The following MAST2 variants were observed in gnomAD, a reference collection of about 807,000 sequenced individuals.
MAST2 encodes microtubule-associated serine/threonine-protein kinase 2.
In MAST2, 70 loss-of-function variants were observed where a neutral mutation model predicts 147.4. The ratio of observed to expected loss-of-function variants is 0.47; its 90% confidence interval spans 0.39 to 0.58. MAST2 has a LOEUF of 0.58. Ranked by LOEUF, MAST2 falls within the 20% of genes least tolerant of loss-of-function variation. The probability of loss-of-function intolerance (pLI) is 0.00; values close to 1 mark genes in which losing one functional copy is unlikely to be tolerated. For synonymous variants in MAST2, 869 were observed against 896.8 expected, an observed-to-expected ratio of 0.97 and a Z score of 0.55; for missense variants, 2,080 against 2,302.3, an observed-to-expected ratio of 0.90 and a Z score of 1.98.
chr1:46,021,416 T>A (rs1571240532), intron 11 of MAST2, among the ~76,000 whole-genome samples: 1 of 152,242 alleles, frequency 6.6e-6, no homozygotes, highest in Non-Finnish European at 1.5e-5. Context: ...AAAGAGTTGC[T>A]AGAGGGTTTA....
intron 3 of MAST2, among the ~76,000 whole-genome samples, chr1:45,837,955 T>A (rs1277229051): frequency 2.6e-5 from 4 of 152,060 alleles, no homozygotes; most frequent in African/African-American, 9.7e-5. Context: ...ATTTTCGTAT[T>A]TTTAGTAGAG....
intron 4 of MAST2, among the ~76,000 whole-genome samples, chr1:45,931,560 G>T (rs947666661): frequency 6.6e-6 from 1 of 151,556 alleles, no homozygotes; most frequent in Non-Finnish European, 1.5e-5. Flanking sequence ...CATGATCTGG[G>T]CTCACTGCAA....
At chr1:45,976,243 C>T (rs563568974) in intron 5 of MAST2, among the ~76,000 whole-genome samples, 2 of 152,250 alleles carry the variant, frequency 1.3e-5, no homozygotes, top group African/African-American at 4.8e-5. Flanking sequence ...TCCCAAATTG[C>T]TGGGATTACA....
At chr1:45,994,308 G>GTTT (rs1644968414) in intron 5 of MAST2, among the ~76,000 whole-genome samples, 4 of 56,732 alleles carry the variant, frequency 7.1e-5, no homozygotes, top group Admixed American at 2.4e-4. Flanking sequence ...TTGAGAAGGA[G>GTTT]TTTCACTCTG....
Position 45,948,706 on chromosome 1 carries a change from CAAAAAAAAAAAAAAA to C in MAST2, c.501-10667_501-10653del, listed in dbSNP as rs34012353. ...TGGGCGACAGAGTGAGACTCCATCT[CAAAAAAAAAAAAAAA>C]AAAAAAAAAAAAGTCATATGGAACA... On this transcript the variant is annotated intron_variant, in intron 4 of 28. Transcript: ENST00000361297. Among the ~76,000 whole-genome samples the C allele has an allele frequency of 4.1e-3, 164 of 40,276 alleles. 2 individuals carry two copies. The highest frequency in any genetic ancestry group is 0.018 in the African/African-American group (156 of 8,858). The allele number at this position is 40,276 out of a possible 152,430, so 26.4% of individuals were successfully genotyped here.
intron 1 of MAST2, among the ~76,000 whole-genome samples, chr1:45,809,943 T>C (rs577034665): frequency 1.4e-4 from 22 of 152,388 alleles, no homozygotes; most frequent in African/African-American, 5.0e-4. Flanking sequence ...ATAAAGTAGA[T>C]GCTGAATAAA....
At chr1:45,992,028 C>T (rs1021200575) in intron 5 of MAST2, among the ~76,000 whole-genome samples, 4 of 152,120 alleles carry the variant, frequency 2.6e-5, no homozygotes, top group Non-Finnish European at 5.9e-5. Context: ...TGCACCCAGT[C>T]GTCTTTTCTT....
intron 1 of MAST2, among the ~76,000 whole-genome samples, chr1:45,820,361 C>A (rs1380343644): frequency 2.0e-5 from 3 of 152,130 alleles, no homozygotes; most frequent in Admixed American, 2.0e-4. Context: ...TCAAGGGGAT[C>A]TTTTCTCACT....
intron 4 of MAST2, among the ~76,000 whole-genome samples, chr1:45,953,829 TAGG>T (rs1433320130): frequency 1.3e-5 from 2 of 152,134 alleles, no homozygotes; most frequent in East Asian, 3.9e-4. Flanking sequence ...AGAGACTAGT[TAGG>T]AGGGTATTGA....
chr1:45,866,872 C>T (rs1414370479), intron 3 of MAST2, among the ~76,000 whole-genome samples: 1 of 151,820 alleles, frequency 6.6e-6, no homozygotes. Flanking sequence ...CCTCCGGAGT[C>T]GAGTAGCTGG....
Position 45,876,511 on chromosome 1 carries a change from A to G in MAST2, c.469-5853A>G, listed in dbSNP as rs532887354. On this transcript the variant is annotated intron_variant, in intron 3 of 28. Coordinates refer to ENST00000361297, the MANE Select transcript of MAST2 (RefSeq NM_015112.3). ...TGGGCTTCACCTGATATTGTAATGT[A>G]TTACCAGGTATTACCAGCCTAGTTG... 6.6e-5 allele frequency among the ~76,000 whole-genome samples: 10 copies of G among 152,332 alleles called. No individual in the cohort carries two copies. The South Asian group carries it at 2.1e-3, about 32-fold the overall frequency.
intron 5 of MAST2, among the ~76,000 whole-genome samples, chr1:45,960,891 G>A (rs1660321886): frequency 6.6e-6 from 1 of 152,212 alleles, no homozygotes; most frequent in Non-Finnish European, 1.5e-5. Flanking sequence ...GCATCAAGCT[G>A]AGTAAGATGT....
chr1:45,976,992 A>T (rs1416221936), intron 5 of MAST2, among the ~76,000 whole-genome samples: 2 of 152,242 alleles, frequency 1.3e-5, no homozygotes, highest in African/African-American at 4.8e-5. Flanking sequence ...GGCAAAATCC[A>T]TTGGATGTTT....
intron 4 of MAST2, among the ~76,000 whole-genome samples, chr1:45,940,894 C>T (rs540181993): frequency 1.6e-3 from 244 of 152,310 alleles, no homozygotes; most frequent in Middle Eastern, 3.4e-3. Context: ...GCTGGGATTA[C>T]AGGCGTGAGC....
intron 3 of MAST2, among the ~76,000 whole-genome samples, chr1:45,881,639 G>A (rs972349604): frequency 6.6e-6 from 1 of 151,956 alleles, no homozygotes; most frequent in East Asian, 1.9e-4. Context: ...TACTTTATTT[G>A]TCTAAAATAT....
At chr1:45,833,768 T>C (rs760774488) in intron 3 of MAST2, among the ~76,000 whole-genome samples, 1 of 152,130 alleles carries the variant, frequency 6.6e-6, no homozygotes, top group Non-Finnish European at 1.5e-5. Flanking sequence ...TTTTTAAAAT[T>C]GAATGTTTCT....
At chr1:45,847,784 G>C (rs1365675897) in intron 3 of MAST2, among the ~76,000 whole-genome samples, 2 of 151,942 alleles carry the variant, frequency 1.3e-5, no homozygotes, top group Non-Finnish European at 2.9e-5. Context: ...GAACTCCTGG[G>C]TTCAAGCCAT....
At chr1:46,004,884 A>G (rs1571169537) in intron 7 of MAST2, among the ~76,000 whole-genome samples, 1 of 152,252 alleles carries the variant, frequency 6.6e-6, no homozygotes, top group East Asian at 1.9e-4. Context: ...ACCAGCCTGG[A>G]CAACACAGCA....
intron 4 of MAST2, among the ~76,000 whole-genome samples, chr1:45,953,575 G>T (rs1016852569): frequency 6.7e-6 from 1 of 148,958 alleles, no homozygotes; most frequent in Non-Finnish European, 1.5e-5. Context: ...AAATTGGGAA[G>T]GTGACATTAG....
Sources: gnomAD v4.1 joint callset for allele counts (sites outside exome capture counted in the v4.1 genomes callset) on GRCh38, gnomAD v4.1.1 for gene constraint, MANE v1.5 for transcripts, NCBI Gene and HGNC (gene_info 2026-07-23, HGNC 2026-07-21) for gene names.